The following PIK3CB variants were observed in gnomAD, a reference collection of about 807,000 sequenced individuals.
PIK3CB encodes the protein phosphatidylinositol 4,5-bisphosphate 3-kinase catalytic subunit beta isoform.
PIK3CB carries 39 observed loss-of-function variants against 136.8 expected under a neutral mutation model. The observed-to-expected ratio is 0.29, with a 90% confidence interval of 0.22 to 0.37. The LOEUF is 0.37. Ranked by LOEUF, PIK3CB falls within the 10% of genes least tolerant of loss-of-function variation. The pLI is 1.00. For synonymous variants in PIK3CB, 428 were observed against 436.6 expected (o/e 0.98, Z 0.25); for missense variants, 868 against 1,275.4 (o/e 0.68, Z 4.87).
At position 138,759,371 on chromosome 3, in the gene PIK3CB, T is replaced by C. The variant is rs1559866935; in HGVS notation, c.-16-12A>G. ...ATAACCACGGGGCCCTAGAAATCAG[T>C]AATTAAAACATAGCAAAACAACCAT... On this transcript the variant is annotated splice_polypyrimidine_tract_variant and intron_variant, in intron 2 of 23. Coordinates refer to ENST00000674063, the MANE Select transcript of PIK3CB (RefSeq NM_006219.3). The C allele has an allele frequency of 6.4e-7, 1 of 1,570,588 alleles. No homozygotes were observed. Among genetic ancestry groups the C allele is most frequent in the Non-Finnish European group, 8.7e-7 (1 of 1,150,624 alleles).
chr3:138,722,170 C>A (rs2108607382), intron 8 of PIK3CB, among the ~76,000 whole-genome samples: 1 of 146,776 alleles, frequency 6.8e-6, no homozygotes, highest in East Asian at 2.0e-4. Context: ...ATTAACTATC[C>A]TCTATTTTTT....
chr3:138,705,068 T>C (rs1325579090), intron 11 of PIK3CB, among the ~76,000 whole-genome samples: 2 of 150,128 alleles, frequency 1.3e-5, no homozygotes, highest in Non-Finnish European at 3.0e-5. Context: ...TAAAGGCTGC[T>C]GTCCCTGGCT....
At chr3:138,732,712 A>G (rs973100904) in intron 8 of PIK3CB, among the ~76,000 whole-genome samples, 1 of 113,946 alleles carries the variant, frequency 8.8e-6, no homozygotes, top group African/African-American at 3.2e-5. Context: ...GTTTAAAAGG[A>G]AAGAAAAGAA....
intron 1 of PIK3CB, among the ~76,000 whole-genome samples, chr3:138,828,182 TCC>T (rs1933867145): frequency 6.7e-6 from 1 of 149,820 alleles, no homozygotes; most frequent in South Asian, 2.1e-4. Flanking sequence ...TAATTAAATT[TCC>T]TTTTTTTTTT....
At chr3:138,791,071 T>C (rs2046042827) in intron 2 of PIK3CB, among the ~76,000 whole-genome samples, 1 of 152,164 alleles carries the variant, frequency 6.6e-6, no homozygotes. Context: ...TACCTCCCTG[T>C]GGTGTTCAAA....
intron 4 of PIK3CB, among the ~76,000 whole-genome samples, chr3:138,744,326 C>T (rs781381002): frequency 3.9e-5 from 5 of 127,952 alleles, no homozygotes; most frequent in Non-Finnish European, 6.3e-5. Flanking sequence ...ACCCGGGAGG[C>T]GGAGCTGGCA....
intron 12 of PIK3CB, among the ~76,000 whole-genome samples, chr3:138,703,592 A>C (rs1029036848): frequency 7.2e-5 from 11 of 151,728 alleles, no homozygotes; most frequent in African/African-American, 2.7e-4. Flanking sequence ...ATGTAGATAT[A>C]GATATAGATA....
chr3:138,738,041 T>C (rs559250998), intron 5 of PIK3CB, among the ~76,000 whole-genome samples, 155 bp from the exon 6 acceptor site: 2 of 152,316 alleles, frequency 1.3e-5, no homozygotes, highest in Non-Finnish European at 2.9e-5. Context: ...ATTTAGAATG[T>C]AGACAAGTTT....
At chr3:138,751,021 C>A (rs1184561416) in intron 4 of PIK3CB, among the ~76,000 whole-genome samples, 2 of 152,076 alleles carry the variant, frequency 1.3e-5, no homozygotes, top group African/African-American at 4.8e-5. Context: ...GAATAAGGGA[C>A]CCTGTTCATG....
intron 5 of PIK3CB, among the ~76,000 whole-genome samples, chr3:138,740,982 C>T (rs1259492125): frequency 6.6e-6 from 1 of 152,114 alleles, no homozygotes; most frequent in Non-Finnish European, 1.5e-5. Context: ...CAGTAAATTC[C>T]CCTATTCTAC....
chr3:138,661,011 T>C (rs1471709847), intron 21 of PIK3CB, among the ~76,000 whole-genome samples: 1 of 152,190 alleles, frequency 6.6e-6, no homozygotes, highest in Non-Finnish European at 1.5e-5. Flanking sequence ...ACCAATCAGA[T>C]TTCTAGAATA....
chr3:138,713,878 G>A (rs1459305028), intron 9 of PIK3CB, among the ~76,000 whole-genome samples: 1 of 152,060 alleles, frequency 6.6e-6, no homozygotes, highest in Admixed American at 6.6e-5. Context: ...TTCAAAATCC[G>A]AGAAGCTCTA....
At position 138,656,266 on chromosome 3, in the gene PIK3CB, T is replaced by C. The variant is rs1285391197; in HGVS notation, c.2951A>G (p.Gln984Arg). Residue 984 changes from glutamine (Q) to arginine (R), a missense_variant, in exon 23 of 24, where the codon CAG (glutamine) becomes CGG (arginine). By Grantham distance (43) the Gln-to-Arg change is conservative. Transcript: ENST00000674063. The part of the protein sequence containing the change: ...GNTEKFGRFR[Q>R]CCEDAYLILR... ...AATCAGATATGCATCCTCACAACAC[T>C]GGCGGAACCTTTGGGTGATGCAGCA... 2 of 1,614,110 alleles carry C rather than the reference T, an allele frequency of 1.2e-6. No individual in the cohort carries two copies. Among genetic ancestry groups the C allele is most frequent in the South Asian group, 1.1e-5 (1 of 91,078 alleles).
chr3:138,719,096 T>A (rs1474571023), intron 8 of PIK3CB, among the ~76,000 whole-genome samples: 1 of 152,144 alleles, frequency 6.6e-6, no homozygotes, highest in Non-Finnish European at 1.5e-5. Flanking sequence ...GGCACTTTCA[T>A]TTTTAGTTTC....
chr3:138,681,467 C>A (rs902544149), intron 19 of PIK3CB, among the ~76,000 whole-genome samples: 2 of 152,134 alleles, frequency 1.3e-5, no homozygotes, highest in Non-Finnish European at 2.9e-5. Flanking sequence ...CAGTCTGAGG[C>A]TTGATTTTAT....
chr3:138,824,746 G>T (rs1933707707), intron 1 of PIK3CB, among the ~76,000 whole-genome samples: 2 of 151,476 alleles, frequency 1.3e-5, no homozygotes, highest in South Asian at 4.2e-4. Context: ...GAGAAGGGGG[G>T]TCACAAAAAG....
intron 12 of PIK3CB, 128 bp from the exon 13 acceptor site, chr3:138,699,223 T>TA (rs55874901): frequency 0.027 from 6,760 of 248,728 alleles, 4 homozygotes; most frequent in Middle Eastern, 0.048. Context: ...TATAATTCCA[T>TA]AAAAAAAAAA....
chr3:138,706,436 G>A (rs1010519273), intron 11 of PIK3CB, among the ~76,000 whole-genome samples: 6 of 152,116 alleles, frequency 3.9e-5, no homozygotes, highest in South Asian at 2.1e-4. Flanking sequence ...ACTACATTAG[G>A]AAGCGCCACT....
intron 6 of PIK3CB, among the ~76,000 whole-genome samples, chr3:138,737,493 A>G (rs2045137099): frequency 6.6e-6 from 1 of 150,910 alleles, no homozygotes; most frequent in African/African-American, 2.4e-5. Context: ...TACAAACATA[A>G]CTGCAAAAAG....
Sources: gnomAD v4.1 joint callset for allele counts (sites outside exome capture counted in the v4.1 genomes callset) on GRCh38, gnomAD v4.1.1 for gene constraint, MANE v1.5 for transcripts, NCBI Gene and HGNC (gene_info 2026-07-23, HGNC 2026-07-21) for gene names.